Variants in SUFU observed in about 807,000 individuals in gnomAD.
The protein encoded by SUFU is suppressor of fused homolog.
In SUFU, 7 loss-of-function variants were observed where a neutral mutation model predicts 58.9. The ratio of observed to expected loss-of-function variants is 0.12; its 90% confidence interval spans 0.07 to 0.22. SUFU has a LOEUF of 0.22. Ranked by LOEUF, SUFU falls within the 10% of genes least tolerant of loss-of-function variation. The pLI, the probability that SUFU is intolerant of heterozygous loss-of-function variation, is 1.00. For synonymous variants in SUFU, 232 were observed against 254.8 expected (o/e 0.91, Z 0.85); for missense variants, 451 against 641.3 (o/e 0.70, Z 3.20).
chr10:102,546,912 A>G (rs1462008104), intron 2 of SUFU, among the ~76,000 whole-genome samples: 1 of 152,244 alleles, frequency 6.6e-6, no homozygotes, highest in Non-Finnish European at 1.5e-5. Flanking sequence ...GTGGAGGCAG[A>G]TGGTGGACAC....
chr10:102,516,650 C>T (rs748509825), intron 2 of SUFU, among the ~76,000 whole-genome samples: 7 of 151,866 alleles, frequency 4.6e-5, no homozygotes, highest in South Asian at 2.1e-4. Flanking sequence ...CGGGTTCAAG[C>T]GATTGTCCTG....
chr10:102,530,769 T>C (rs571294227), intron 2 of SUFU, among the ~76,000 whole-genome samples: 1 of 151,908 alleles, frequency 6.6e-6, no homozygotes, highest in South Asian at 2.1e-4. Flanking sequence ...TGACTCTTAA[T>C]CCCAAGGAAA....
At chr10:102,514,700 A>G (rs537609051) in intron 2 of SUFU, among the ~76,000 whole-genome samples, 12 of 152,288 alleles carry the variant, frequency 7.9e-5, no homozygotes, top group Middle Eastern at 3.4e-3. Flanking sequence ...CTTCCCCTTC[A>G]TGGCCAGCTA....
At chr10:102,595,508 G>A (rs2063452170) in intron 6 of SUFU, among the ~76,000 whole-genome samples, 1 of 152,188 alleles carries the variant, frequency 6.6e-6, no homozygotes, top group South Asian at 2.1e-4. Context: ...GCCGTTGTTT[G>A]GCCCCTGTCA....
At chr10:102,521,753 C>A (rs1266300511) in intron 2 of SUFU, among the ~76,000 whole-genome samples, 1 of 152,188 alleles carries the variant, frequency 6.6e-6, no homozygotes, top group Non-Finnish European at 1.5e-5. Flanking sequence ...GAACCAGCAT[C>A]AAGAAGACAA....
intron 10 of SUFU, among the ~76,000 whole-genome samples, chr10:102,620,309 G>A (rs550007754): frequency 6.6e-6 from 1 of 152,304 alleles, no homozygotes; most frequent in South Asian, 2.1e-4. Flanking sequence ...GTGACAAGGA[G>A]AGGCCGAGAG....
chr10:102,603,811 C>G (rs7099180), intron 8 of SUFU, among the ~76,000 whole-genome samples: 151,257 of 152,330 alleles, frequency 0.99, 75,101 homozygotes, highest in East Asian at 1. Context: ...TGACTTTGCT[C>G]CCTCTAATTC....
chr10:102,540,981 C>T (rs932575597), intron 2 of SUFU, among the ~76,000 whole-genome samples: 1 of 151,890 alleles, frequency 6.6e-6, no homozygotes, highest in Non-Finnish European at 1.5e-5. Flanking sequence ...GAGATCGCGC[C>T]ATTGCACTCC....
At chr10:102,627,388 G>A (rs2063795707) in intron 11 of SUFU, 145 bp downstream of exon 11, 1 of 826,910 alleles carries the variant, frequency 1.2e-6, no homozygotes, top group Non-Finnish European at 2.1e-6. Flanking sequence ...GCATCTGTGG[G>A]CTCCTCCCCA....
chr10:102,526,828 T>C (rs1184250622), intron 2 of SUFU, among the ~76,000 whole-genome samples: 2 of 151,820 alleles, frequency 1.3e-5, no homozygotes, highest in African/African-American at 4.8e-5. Flanking sequence ...AAACAGCTAG[T>C]ATAAAGGCCC....
At position 102,592,804 on chromosome 10, in the gene SUFU, G is replaced by T. The variant is rs2063418089; in HGVS notation, c.597+80G>T. 113 of 1,529,216 alleles carry T rather than the reference G, an allele frequency of 7.4e-5. No homozygotes were observed. In the South Asian group the frequency reaches 1.2e-3, roughly 17 times the overall value. 94.7% of individuals were successfully genotyped at this position (1,529,216 alleles called of 1,614,324 possible). Reference sequence around the variant, plus strand: ...GGACAAGGAGGCTTGAGGAGGGGGAGTGAAGGGAGTGGGAGGTTTCCTTTG... The same window carrying T: ...GGACAAGGAGGCTTGAGGAGGGGGATTGAAGGGAGTGGGAGGTTTCCTTTG... On this transcript the variant is annotated intron_variant, in intron 4 of 11. Transcript: ENST00000369902.
intron 3 of SUFU, among the ~76,000 whole-genome samples, chr10:102,587,514 G>A (rs560374760): frequency 6.6e-6 from 1 of 152,074 alleles, no homozygotes; most frequent in Non-Finnish European, 1.5e-5. Context: ...GTTTTGAGAC[G>A]AAGTCTTGGT....
At chr10:102,547,867 GA>G (rs1183774376) in intron 2 of SUFU, among the ~76,000 whole-genome samples, 2 of 151,982 alleles carry the variant, frequency 1.3e-5, no homozygotes, top group Admixed American at 1.3e-4. Flanking sequence ...GAAAGAAAGA[GA>G]GGCTGGGCAT....
intron 2 of SUFU, among the ~76,000 whole-genome samples, chr10:102,520,212 CT>C (rs36020604): frequency 0.19 from 20,908 of 108,758 alleles, 670 homozygotes; most frequent in Non-Finnish European, 0.25. Context: ...TTTTTTCTTT[CT>C]TTTTTTTTTT....
At chr10:102,618,490 A>G (rs1041583547) in intron 10 of SUFU, 12 of 152,804 alleles carry the variant, frequency 7.9e-5, no homozygotes, top group African/African-American at 2.9e-4. Flanking sequence ...CAAACAGCAA[A>G]CAAAGGACAC....
chr10:102,611,495 A>C (rs2063622378), intron 8 of SUFU, among the ~76,000 whole-genome samples: 1 of 152,178 alleles, frequency 6.6e-6, no homozygotes. Context: ...TCTCAGAAGT[A>C]CCCTCTCCCA....
chr10:102,520,212 C>CTTT (rs36020604), intron 2 of SUFU, among the ~76,000 whole-genome samples: 168 of 113,350 alleles, frequency 1.5e-3, no homozygotes, highest in Middle Eastern at 6.1e-3. Context: ...TTTTTTCTTT[C>CTTT]TTTTTTTTTT....
chr10:102,518,468 G>T (rs1426367066), intron 2 of SUFU, among the ~76,000 whole-genome samples: 11 of 152,112 alleles, frequency 7.2e-5, no homozygotes, highest in Non-Finnish European at 1.5e-4. Flanking sequence ...CTTTGTGGGG[G>T]GAAATGTTGA....
In SUFU at chr10:102,623,666, G is replaced by A. The variant is rs553491581; in HGVS notation, c.1297-3509G>A. ...TAAAGTCCAGAGCCTTGAGCCAGGC[G>A]TGGTGGCTCTTGCCTGTGATCCCAG... is the stretch of plus-strand genomic sequence containing the variant. On this transcript the variant is annotated intron_variant, in intron 10 of 11. Transcript: ENST00000369902. Among the ~76,000 whole-genome samples the A allele has an allele frequency of 4.6e-4, 70 of 152,356 alleles. No homozygotes were observed. In the Middle Eastern group the frequency reaches 0.014, roughly 30 times the overall value.
Sources: allele counts gnomAD v4.1 joint callset (sites outside exome capture counted in the v4.1 genomes callset), GRCh38; gene constraint gnomAD v4.1.1; transcripts MANE v1.5; gene names NCBI Gene and HGNC (gene_info 2026-07-23, HGNC 2026-07-21).